The following BDP1 variants were observed in gnomAD, a reference collection of about 807,000 sequenced individuals.
BDP1 encodes the protein transcription factor TFIIIB component B'' homolog.
Under a neutral mutation model 266.6 loss-of-function variants are expected in BDP1, and 169 were observed. The ratio of observed to expected loss-of-function variants is 0.63; its 90% CI spans 0.56 to 0.72. BDP1 has a LOEUF of 0.72. Ranked by LOEUF, BDP1 falls within the 30% of genes least tolerant of loss-of-function variation. BDP1 has a pLI of 0.00. For missense variants in BDP1, 3,015 were observed against 3,053.8 expected (o/e 0.99, Z 0.30); for synonymous variants, 1,090 against 1,022.4 (o/e 1.07, Z -1.26).
chr5:71,504,751 G>C lies in BDP1; in HGVS notation c.2372G>C (p.Ser791Thr), dbSNP rs987965116. ...CCCAAGGTTCTTAATGAATGTCTAA[G>C]GTAAGCATCATTTTGTTGATATATA... ...DEPKVLNECL[S>T]VQENNKANKL... Residue 791 changes from serine (S) to threonine (T), a missense_variant and splice_region_variant, in exon 16 of 39, where the codon AGC becomes ACC. Transcript: ENST00000358731. The C allele has an allele frequency of 1.2e-6, 2 of 1,611,250 alleles. No homozygotes were observed. Among genetic ancestry groups the C allele is most frequent in the Middle Eastern group, 3.3e-4 (2 of 6,054 alleles).
chr5:71,513,843 C>G (rs1410011879), intron 19 of BDP1, among the ~76,000 whole-genome samples: 2 of 152,044 alleles, frequency 1.3e-5, no homozygotes, highest in African/African-American at 4.8e-5. Context: ...CCTCAGCCTC[C>G]TGAATGCTGG....
chr5:71,460,593 A>G (rs780727368), intron 2 of BDP1, among the ~76,000 whole-genome samples: 1 of 152,184 alleles, frequency 6.6e-6, no homozygotes, highest in Non-Finnish European at 1.5e-5. Context: ...CAAGCTTTCA[A>G]TTTATGTCTT....
At position 71,516,151 on chromosome 5, in the gene BDP1, A is replaced by C. The variant is rs199986691; in HGVS notation, c.4740A>C (p.Arg1580Ser). ...RQVRGRLQRP[R>S]PNIRKTGQRQ... is the part of the protein sequence containing the mutation. ...TAAGGGGCCGACTTCAGAGACCGAG[A>C]CCAAATATAAGAAAGACAGGACAGA... The change falls in exon 21 of 39, where the codon AGA becomes AGC. Residue 1580 changes from arginine (R) to serine (S), a missense_variant. Arg to Ser is a moderately radical substitution (Grantham distance 110). This residue lies in a region of BDP1 where 2,383 missense variants were observed against 2,404.9 expected (regional missense o/e 0.99). Coordinates refer to ENST00000358731, the MANE Select transcript of BDP1 (RefSeq NM_018429.3). The C allele has an allele frequency of 2.5e-5, 40 of 1,613,356 alleles. 1 individual carries two copies. Among genetic ancestry groups the C allele is most frequent in the Non-Finnish European group, 2.9e-5 (34 of 1,179,622 alleles).
At position 71,549,601 on chromosome 5, in the gene BDP1, C is replaced by T. The variant is rs773290378; in HGVS notation, c.6990C>T (p.Asp2330=). The change falls in exon 34 of 39, where the codon GAC becomes GAT. Residue 2330 remains aspartate (D), a synonymous_variant. Coordinates refer to ENST00000358731, the MANE Select transcript of BDP1 (RefSeq NM_018429.3). ...CAGTGAATACCGAAGAAAGGGGTGA[C>T]ATGAGGTAACGAATGAGTGAAACTG... The part of the protein sequence containing the change: ...VKSVNTEERG[D]MSICLPATSV... 3 of 1,597,344 alleles carry T rather than the reference C, an allele frequency of 1.9e-6. No homozygotes were observed. Among genetic ancestry groups the T allele is most frequent in the South Asian group, 2.3e-5 (2 of 87,528 alleles).
intron 9 of BDP1, among the ~76,000 whole-genome samples, chr5:71,488,216 C>T (rs2150405828): frequency 6.6e-6 from 1 of 152,086 alleles, no homozygotes; most frequent in Admixed American, 6.5e-5. Flanking sequence ...TCCTTCACTG[C>T]TCGAGTTCAA....
chr5:71,561,534 G>A (rs898411974), intron 37 of BDP1, among the ~76,000 whole-genome samples: 5 of 152,236 alleles, frequency 3.3e-5, no homozygotes, highest in African/African-American at 1.2e-4. Context: ...TGTAAGCCAT[G>A]TGGTCTCTGT....
In BDP1 at chr5:71,510,687, G is replaced by A. The variant is rs1764867121; in HGVS notation, c.3595G>A (p.Asp1199Asn). 1 of 1,613,474 alleles carries A rather than the reference G, an allele frequency of 6.2e-7. No individual in the cohort carries two copies. Among genetic ancestry groups the A allele is most frequent in the African/African-American group, 1.3e-5 (1 of 74,792 alleles). The change falls in exon 17 of 39, where the codon GAT becomes AAT. Residue 1199 changes from aspartate to asparagine, a missense_variant. Around this residue, in one of 3 missense-constraint regions of BDP1, gnomAD observed 2,383 missense variants for 2,404.9 expected, o/e 0.99. Transcript: ENST00000358731. ...TGATGCTGCTGAGGTAATAGAGACAGATTTGGAAGAAACTGAAAGAGAAAT... is the reference window on the plus strand; with the variant it reads ...TGATGCTGCTGAGGTAATAGAGACAAATTTGGAAGAAACTGAAAGAGAAAT... Reference protein sequence around the residue: ...VIDAAEVIETDLEETEREISP... With the variant: ...VIDAAEVIETNLEETEREISP...
chr5:71,547,365 T>G (rs931210351), intron 32 of BDP1, among the ~76,000 whole-genome samples: 1 of 152,114 alleles, frequency 6.6e-6, no homozygotes, highest in East Asian at 1.9e-4. Flanking sequence ...TAGATTCAAC[T>G]TACATATTTT....
Position 71,455,896 on chromosome 5 carries a change from C to G in BDP1, c.19C>G (p.Leu7Val), listed in dbSNP as rs1163947426. The G allele has an allele frequency of 6.3e-7, 1 of 1,598,026 alleles. No homozygotes were observed. The highest frequency in any genetic ancestry group is 1.1e-5 in the South Asian group (1 of 89,170). MFRRAR[L>V]SVKPNVRPGV... The stretch of plus-strand genomic sequence containing the variant: ...CTCCGCCATGTTCCGCAGGGCACGC[C>G]TTAGCGTGAAGCCGAATGTCAGGCC... Residue 7 changes from leucine (L) to valine (V), a missense_variant, in exon 1 of 39, where the codon CTT (leucine) becomes GTT (valine). Leu to Val is a conservative substitution (Grantham distance 32, BLOSUM62 1). Coordinates refer to ENST00000358731, the MANE Select transcript of BDP1 (RefSeq NM_018429.3).
Position 71,455,864 on chromosome 5 carries a change from C to G in BDP1, c.-14C>G. ...CGGCCGTGAGGCTGCCTCCCCGGGC[C>G]CCCTGCCTCCGCCATGTTCCGCAGG... On this transcript the variant is annotated 5_prime_UTR_variant, in exon 1 of 39. Transcript: ENST00000358731. 1 of 1,557,582 alleles carries G rather than the reference C, an allele frequency of 6.4e-7. No individual in the cohort carries two copies. Among genetic ancestry groups the G allele is most frequent in the Non-Finnish European group, 8.7e-7 (1 of 1,151,066 alleles).
Position 71,489,599 on chromosome 5 carries a change from A to T in BDP1, c.1409A>T (p.Asp470Val). 1 of 1,614,158 alleles carries T rather than the reference A, an allele frequency of 6.2e-7. No individual in the cohort carries two copies. The highest frequency in any genetic ancestry group is 8.5e-7 in the Non-Finnish European group (1 of 1,179,998). ...AAGAAAAGAAGGAGGAAGAAGCAAGATGGAGCTAATGAACTGGGAGTAAAC... is the reference window on the plus strand; with the variant it reads ...AAGAAAAGAAGGAGGAAGAAGCAAGTTGGAGCTAATGAACTGGGAGTAAAC... ...NQKKRRRKKQ[D>V]GANELGVNNL... is the part of the protein sequence containing the mutation. Residue 470 changes from aspartate to valine, a missense_variant, in exon 10 of 39, where the codon GAT becomes GTT. Physicochemically the swap from Asp to Val is radical, Grantham distance 152. Around this residue, in one of 3 missense-constraint regions of BDP1, gnomAD observed 2,383 missense variants for 2,404.9 expected, o/e 0.99. Transcript: ENST00000358731.
intron 13 of BDP1, 42 bp from the exon 14 acceptor site, chr5:71,501,520 G>A (rs543919860): frequency 1.7e-6 from 2 of 1,194,898 alleles, no homozygotes; most frequent in African/African-American, 1.5e-5. Flanking sequence ...AGTTTGAACT[G>A]TTTATTGTAA....
intron 9 of BDP1, 104 bp downstream of exon 9, chr5:71,486,731 A>G: frequency 3.3e-6 from 3 of 910,024 alleles, no homozygotes; most frequent in East Asian, 6.0e-5. Context: ...GGTAGTTAAG[A>G]TCATCAAAGC....
chr5:71,514,259 T>C (rs1471422816), intron 19 of BDP1, among the ~76,000 whole-genome samples: 3 of 152,214 alleles, frequency 2.0e-5, no homozygotes, highest in Non-Finnish European at 2.9e-5. Flanking sequence ...TTAAAATAGC[T>C]CAGTACTTTA....
In BDP1 at chr5:71,504,693, A is replaced by G. The variant is rs377393630; in HGVS notation, c.2314A>G (p.Asn772Asp). 3 of 1,613,592 alleles carry G rather than the reference A, an allele frequency of 1.9e-6. No individual in the cohort carries two copies. Among genetic ancestry groups the G allele is most frequent in the Non-Finnish European group, 1.7e-6 (2 of 1,179,722 alleles). ...AGATGTCATATTACAGCCTGAGAAA[A>G]ATGATTCTTTTCAAAATGTGCAGCC... ...EEDVILQPEK[N>D]DSFQNVQPDE... The change falls in exon 16 of 39, where the codon AAT (asparagine) becomes GAT (aspartate). Residue 772 changes from asparagine (N) to aspartate (D), a missense_variant. Coordinates refer to ENST00000358731, the MANE Select transcript of BDP1 (RefSeq NM_018429.3).
chr5:71,464,091 G>A lies in BDP1; in HGVS notation c.633G>A (p.Lys211=), dbSNP rs772978870. The part of the protein sequence containing the change: ...SSLEQEKKTE[K]PSTPVQTREQ... ...TGGAACAAGAAAAGAAAACTGAAAA[G>A]CCATCGACTCCAGTCCAGACAAGAG... is the stretch of plus-strand genomic sequence containing the variant. The change falls in exon 4 of 39, where the codon AAG becomes AAA. Residue 211 remains lysine, a synonymous_variant. Transcript: ENST00000358731. The A allele has an allele frequency of 1.9e-6, 3 of 1,578,692 alleles. No homozygotes were observed. Among genetic ancestry groups the A allele is most frequent in the African/African-American group, 1.4e-5 (1 of 73,552 alleles).
At chr5:71,569,166 T>C (rs80288709), downstream of BDP1, among the ~76,000 whole-genome samples, 15 of 152,358 alleles carry the variant, frequency 9.8e-5, no homozygotes, top group East Asian at 2.7e-3. Context: ...CTTTAAAAAG[T>C]TTCTGTGTCC....
chr5:71,546,677 A>G (rs1201475631), intron 32 of BDP1, among the ~76,000 whole-genome samples: 1 of 148,142 alleles, frequency 6.8e-6, no homozygotes, highest in Non-Finnish European at 1.5e-5. Context: ...AAGTAGGTTG[A>G]GTCCATAAAT....
In BDP1 at chr5:71,560,182, C is replaced by A; in HGVS notation, c.7441C>A (p.Pro2481Thr). The A allele has an allele frequency of 1.2e-6, 2 of 1,614,090 alleles. No individual in the cohort carries two copies. The highest frequency in any genetic ancestry group is 1.7e-6 in the Non-Finnish European group (2 of 1,179,970). ...SDKEERTDAA[P>T]KSQQMDSRTS... is the part of the protein sequence containing the mutation. ...TAAGGAAGAAAGAACTGATGCTGCT[C>A]CTAAGTCTCAGCAAATGGATAGCAG... Residue 2481 changes from proline to threonine, a missense_variant, in exon 37 of 39, where the codon CCT becomes ACT. Pro to Thr is a conservative substitution (Grantham distance 38). Around this residue, in one of 3 missense-constraint regions of BDP1, gnomAD observed 629 missense variants for 632.5 expected, o/e 0.99. Transcript: ENST00000358731.
Sources: gnomAD v4.1 joint callset for allele counts (sites outside exome capture counted in the v4.1 genomes callset) on GRCh38, gnomAD v4.1.1 for gene constraint, gnomAD v4.1.1 regional missense constraint, MANE v1.5 for transcripts, NCBI Gene and HGNC (gene_info 2026-07-23, HGNC 2026-07-21) for gene names.